Variants in CISTR observed in about 807,000 individuals in gnomAD.
CISTR encodes the protein chondrogenesis-associated transcript.
At position 53,749,308 on chromosome 12, in the gene CISTR, G is replaced by GTA. The variant is rs935742177; in HGVS notation, n.1063+1007_1063+1008dup. Among the ~76,000 whole-genome samples, 36 of 93,082 alleles carry GTA rather than the reference G, an allele frequency of 3.9e-4. 1 individual carries two copies. Among genetic ancestry groups the GTA allele is most frequent in the African/African-American group, 8.4e-4 (18 of 21,314 alleles). The allele number at this position is 93,082 out of a possible 152,430, so 61.1% of individuals were successfully genotyped here. ...AGGCAAGAAGTGTGTGTGTGTGTGTGTATATATATATATAAAAGACAGGGA... is the reference window on the plus strand; with the variant it reads ...AGGCAAGAAGTGTGTGTGTGTGTGTGTATATATATATATATAAAAGACAGGGA... On this transcript the variant is annotated intron_variant and non_coding_transcript_variant, in intron 2 of 2. Transcript: ENST00000669269.
rs149845005 is a variant in CISTR, at chr12:53,748,265, C to G, written n.1064-1417G>C. 7.8e-4 allele frequency among the ~76,000 whole-genome samples: 119 copies of G among 152,312 alleles called. 2 individuals carry two copies. Among genetic ancestry groups the G allele is most frequent in the African/African-American group, 2.9e-3 (119 of 41,562 alleles). On this transcript the variant is annotated intron_variant and non_coding_transcript_variant, in intron 2 of 2. Coordinates refer to ENST00000669269, the Ensembl canonical transcript of CISTR. ...TCAATCTTCCACACAAAGGGCCGCCCGCCCTCTTCCCTCTCCAAGCCCTCC... is the reference window on the plus strand; with the variant it reads ...TCAATCTTCCACACAAAGGGCCGCCGGCCCTCTTCCCTCTCCAAGCCCTCC...
intron 1 of CISTR, among the ~76,000 whole-genome samples, chr12:53,754,044 G>C (rs1937888483): frequency 1.3e-5 from 2 of 152,122 alleles, no homozygotes; most frequent in South Asian, 4.2e-4. Flanking sequence ...ATCTGCTCAG[G>C]CTATGAAATG....
exon 3 of CISTR, among the ~76,000 whole-genome samples, chr12:53,746,760 T>C (rs918507922): frequency 3.3e-5 from 5 of 152,192 alleles, no homozygotes; most frequent in Admixed American, 1.3e-4. Context: ...GGGAGCGCTG[T>C]TCTCTGCCGC....
chr12:53,756,482 T>C lies in CISTR; in HGVS notation n.414+332A>G, dbSNP rs901143833. On this transcript the variant is annotated intron_variant and non_coding_transcript_variant, in intron 1 of 2. Coordinates refer to ENST00000669269, the Ensembl canonical transcript of CISTR. This position sits in a 1 kb window ranked among gnomAD's most constrained non-coding sequence, Gnocchi z 4.0. Reference sequence around the variant, plus strand: ...ATGTTGCTCAGGCTAGGCCTTGAAATCCTGGGCTCAGGCGATCCTCCTGCC... The same window carrying C: ...ATGTTGCTCAGGCTAGGCCTTGAAACCCTGGGCTCAGGCGATCCTCCTGCC... 3.3e-5 allele frequency among the ~76,000 whole-genome samples: 5 copies of C among 152,176 alleles called. No homozygotes were observed. Among genetic ancestry groups the C allele is most frequent in the African/African-American group, 9.7e-5 (4 of 41,442 alleles).
chr12:53,747,634 T>C (rs1593109340), intron 2 of CISTR, among the ~76,000 whole-genome samples: 1 of 151,972 alleles, frequency 6.6e-6, no homozygotes, highest in East Asian at 1.9e-4. Flanking sequence ...GGGTGGTGGG[T>C]CGGGAGGCAT....
Position 53,751,376 on chromosome 12 carries a change from CCTT to C in CISTR, n.415-414_415-412del, listed in dbSNP as rs560276849. On this transcript the variant is annotated intron_variant and non_coding_transcript_variant, in intron 1 of 2. Coordinates refer to ENST00000669269, the Ensembl canonical transcript of CISTR. The surrounding 1 kb of genome is among the most constrained non-coding windows in gnomAD (Gnocchi z 4.6). Reference sequence around the variant, plus strand: ...GAAGGGGTGTGCGTGGGTGTCCTCTCCTTCACTCTTTCCCCAGCCCTGTCGCCT... The same window carrying C: ...GAAGGGGTGTGCGTGGGTGTCCTCTCCACTCTTTCCCCAGCCCTGTCGCCT... Among the ~76,000 whole-genome samples, 106 of 152,290 alleles carry C rather than the reference CCTT, an allele frequency of 7.0e-4. No individual in the cohort carries two copies. The highest frequency in any genetic ancestry group is 1.4e-3 in the Non-Finnish European group (92 of 68,008).
intron 1 of CISTR, among the ~76,000 whole-genome samples, chr12:53,752,028 G>C (rs557109223): frequency 3.3e-5 from 5 of 151,318 alleles, no homozygotes; most frequent in African/African-American, 4.9e-5. Flanking sequence ...GACTTTCTCC[G>C]CCCCGCACCG....
intron 2 of CISTR, among the ~76,000 whole-genome samples, chr12:53,746,885 G>A (rs1411088803): frequency 6.6e-6 from 1 of 152,240 alleles, no homozygotes; most frequent in Non-Finnish European, 1.5e-5. Flanking sequence ...AAGCGATCTT[G>A]GGTTTCTAGC....
intron 2 of CISTR, among the ~76,000 whole-genome samples, chr12:53,748,351 G>T (rs1216499901): frequency 1.3e-5 from 2 of 152,224 alleles, no homozygotes; most frequent in African/African-American, 4.8e-5. Context: ...GGCAGAGAAG[G>T]GGGGAGATGA....
At chr12:53,749,547 TTC>T (rs1312410657) in intron 2 of CISTR, among the ~76,000 whole-genome samples, 1 of 92,916 alleles carries the variant, frequency 1.1e-5, no homozygotes, top group Non-Finnish European at 2.0e-5. Context: ...TTTTCTTTCT[TTC>T]TTTTTTTTTA....
At position 53,751,997 on chromosome 12, in the gene CISTR, T is replaced by A. The variant is rs1230546456; in HGVS notation, n.415-1032A>T. 6.6e-6 allele frequency among the ~76,000 whole-genome samples: 1 copy of A among 151,694 alleles called. No individual in the cohort carries two copies. Among genetic ancestry groups the A allele is most frequent in the Non-Finnish European group, 1.5e-5 (1 of 67,902 alleles). ...GGGTCTCTCCCTCCCCCTCTCCCCG[T>A]GGTTGTCAGACTTTCTCCTGGACTT... is the stretch of plus-strand genomic sequence containing the variant. On this transcript the variant is annotated intron_variant and non_coding_transcript_variant, in intron 1 of 2. Transcript: ENST00000669269. This position sits in a 1 kb window ranked among gnomAD's most constrained non-coding sequence, Gnocchi z 4.6.
rs1289375469 is a variant in CISTR at position 53,756,258 on chromosome 12, G to A, written n.414+556C>T. On this transcript the variant is annotated intron_variant and non_coding_transcript_variant, in intron 1 of 2. Coordinates refer to ENST00000669269, the Ensembl canonical transcript of CISTR. This position sits in a 1 kb window ranked among gnomAD's most constrained non-coding sequence, Gnocchi z 4.0. Reference sequence around the variant, plus strand: ...TGGCTCTCGAGGTAAGTTCTTTGGGGATGAAGCACCTGATAAATGAGGACC... The same window carrying A: ...TGGCTCTCGAGGTAAGTTCTTTGGGAATGAAGCACCTGATAAATGAGGACC... Among the ~76,000 whole-genome samples, 1 of 152,124 alleles carries A rather than the reference G, an allele frequency of 6.6e-6. No homozygotes were observed. The highest frequency in any genetic ancestry group is 1.5e-5 in the Non-Finnish European group (1 of 68,006).
chr12:53,748,137 A>T (rs1401174376), intron 2 of CISTR, among the ~76,000 whole-genome samples: 1 of 152,008 alleles, frequency 6.6e-6, no homozygotes, highest in Non-Finnish European at 1.5e-5. Flanking sequence ...CAGGGAGGGG[A>T]TCTCCATTTG....
intron 1 of CISTR, among the ~76,000 whole-genome samples, chr12:53,752,149 C>T (rs1937859668): frequency 6.6e-6 from 1 of 152,180 alleles, no homozygotes; most frequent in Non-Finnish European, 1.5e-5. Flanking sequence ...GCTCGCCCCT[C>T]TCTGCCCGCT....
At chr12:53,747,357 C>T (rs1397690984) in intron 2 of CISTR, among the ~76,000 whole-genome samples, 1 of 152,186 alleles carries the variant, frequency 6.6e-6, no homozygotes, top group African/African-American at 2.4e-5. Flanking sequence ...CTCCCACCCA[C>T]CAGGCTGCCC....
At chr12:53,753,085 C>CAGAG (rs1565659512) in intron 1 of CISTR, among the ~76,000 whole-genome samples, 1 of 133,562 alleles carries the variant, frequency 7.5e-6, no homozygotes, top group East Asian at 2.0e-4. Flanking sequence ...CACACACACA[C>CAGAG]ACACAGAGAG....
rs1196273819 is a variant in CISTR at position 53,751,592 on chromosome 12, C to T, written n.415-627G>A. Among the ~76,000 whole-genome samples the T allele has an allele frequency of 6.6e-6, 1 of 152,180 alleles. No individual in the cohort carries two copies. Among genetic ancestry groups the T allele is most frequent in the African/African-American group, 2.4e-5 (1 of 41,450 alleles). On this transcript the variant is annotated intron_variant and non_coding_transcript_variant, in intron 1 of 2. Transcript: ENST00000669269. The surrounding 1 kb of genome is among the most constrained non-coding windows in gnomAD (Gnocchi z 4.6). ...TCCTCCGCGCGGCGCGGACTCATTA[C>T]GGCTGCAGCCAATTTCATGCCAGCG...
At chr12:53,749,560 G>T in intron 2 of CISTR, among the ~76,000 whole-genome samples, 1 of 147,138 alleles carries the variant, frequency 6.8e-6, no homozygotes, top group African/African-American at 2.5e-5. Flanking sequence ...TTTTTTTTTA[G>T]GGTGACCCTG....
intron 1 of CISTR, among the ~76,000 whole-genome samples, chr12:53,752,418 G>A (rs115863331): frequency 0.014 from 2,129 of 152,308 alleles, 53 homozygotes; most frequent in African/African-American, 0.049. Context: ...GTGGCGGTGG[G>A]TCTGTGGCTA....
Sources: gnomAD v4.1 joint callset for allele counts (sites outside exome capture counted in the v4.1 genomes callset) on GRCh38, gnomAD v4.1.1 for gene constraint, Gnocchi (gnomAD v3.1) non-coding constraint, MANE v1.5 for transcripts, NCBI Gene and HGNC (gene_info 2026-07-23, HGNC 2026-07-21) for gene names.